Variants in PTPRD observed in about 807,000 individuals in gnomAD.
PTPRD encodes the protein protein tyrosine phosphatase receptor type D.
Under a neutral mutation model 214.5 loss-of-function variants are expected in PTPRD, and 34 were observed. That is an observed-to-expected ratio of 0.16 (90% CI 0.12 to 0.21). The LOEUF (loss-of-function observed/expected upper bound fraction) is 0.21. Ranked by LOEUF, PTPRD falls within the 10% of genes least tolerant of loss-of-function variation. PTPRD has a pLI of 1.00. For missense variants in PTPRD, 2,545 were observed against 2,398.7 expected (o/e 1.06, Z -1.27); for synonymous variants, 1,128 against 845.7 (o/e 1.33, Z -5.79).
chr9:9,606,267 G>A (rs895106853), intron 7 of PTPRD, among the ~76,000 whole-genome samples: 1 of 152,014 alleles, frequency 6.6e-6, no homozygotes, highest in Non-Finnish European at 1.5e-5. Flanking sequence ...ATTAACAACA[G>A]ACCCTGGAGC....
chr9:8,320,634 C>G (rs1444197659), intron 44 of PTPRD, among the ~76,000 whole-genome samples: 1 of 138,136 alleles, frequency 7.2e-6, no homozygotes, highest in Non-Finnish European at 1.6e-5. Flanking sequence ...TCAACAGATT[C>G]TCACAGGGGT....
At chr9:8,805,339 T>C (rs1250084737) in intron 11 of PTPRD, among the ~76,000 whole-genome samples, 1 of 152,108 alleles carries the variant, frequency 6.6e-6, no homozygotes, top group African/African-American at 2.4e-5. Context: ...GACCAGGTGG[T>C]CTCTCTCTAA....
chr9:9,937,252 TAA>T (rs1162371111), intron 5 of PTPRD, among the ~76,000 whole-genome samples: 5 of 151,310 alleles, frequency 3.3e-5, no homozygotes, highest in Non-Finnish European at 7.4e-5. Context: ...AAATAAAAAA[TAA>T]AAAATAAATT....
intron 5 of PTPRD, among the ~76,000 whole-genome samples, chr9:9,835,964 A>G (rs1358107323): frequency 6.6e-6 from 1 of 152,190 alleles, no homozygotes; most frequent in Non-Finnish European, 1.5e-5. Context: ...TTACTCTTAT[A>G]GAATTACACT....
chr9:10,504,854 T>C (rs1312773388), intron 2 of PTPRD, among the ~76,000 whole-genome samples: 2 of 152,166 alleles, frequency 1.3e-5, no homozygotes, highest in African/African-American at 2.4e-5. Flanking sequence ...AAATTATCTC[T>C]TACTATTATA....
At chr9:10,455,887 G>C (rs1186577880) in intron 2 of PTPRD, among the ~76,000 whole-genome samples, 1 of 151,634 alleles carries the variant, frequency 6.6e-6, no homozygotes, top group Non-Finnish European at 1.5e-5. Context: ...TGCTTTGACT[G>C]CTAGGAAATC....
intron 10 of PTPRD, among the ~76,000 whole-genome samples, chr9:9,154,302 A>G (rs185097287): frequency 1.8e-4 from 27 of 152,312 alleles, no homozygotes; most frequent in Admixed American, 1.2e-3. Flanking sequence ...ATAACAAAAT[A>G]CCACGGAGTT....
At chr9:8,514,780 G>A (rs916056088) in intron 21 of PTPRD, among the ~76,000 whole-genome samples, 1 of 152,128 alleles carries the variant, frequency 6.6e-6, no homozygotes, top group African/African-American at 2.4e-5. Context: ...ATTAGGCTCT[G>A]CGTCCCCACC....
At chr9:10,241,490 G>C (rs2091041139) in intron 3 of PTPRD, among the ~76,000 whole-genome samples, 1 of 151,900 alleles carries the variant, frequency 6.6e-6, no homozygotes. Context: ...TTATAGTATA[G>C]CCATGCAATG....
At chr9:8,556,834 C>A (rs1449821414) in intron 14 of PTPRD, among the ~76,000 whole-genome samples, 1 of 152,068 alleles carries the variant, frequency 6.6e-6, no homozygotes, top group African/African-American at 2.4e-5. Flanking sequence ...GCATAGGTGA[C>A]AGAATCGAAC....
At chr9:9,990,419 C>A (rs1255984480) in intron 4 of PTPRD, among the ~76,000 whole-genome samples, 1 of 152,212 alleles carries the variant, frequency 6.6e-6, no homozygotes, top group Non-Finnish European at 1.5e-5. Flanking sequence ...TTCACCCCAA[C>A]AGCTGCAAGT....
chr9:10,260,914 T>C (rs1046185833), intron 3 of PTPRD, among the ~76,000 whole-genome samples: 1 of 151,460 alleles, frequency 6.6e-6, no homozygotes, highest in Non-Finnish European at 1.5e-5. Context: ...CTAATTCTTG[T>C]ATAGTCAAGG....
At chr9:9,793,072 T>C (rs1020341104) in intron 5 of PTPRD, among the ~76,000 whole-genome samples, 5 of 152,120 alleles carry the variant, frequency 3.3e-5, no homozygotes, top group African/African-American at 1.2e-4. Context: ...TGTGAATGGA[T>C]ATGGATGTGA....
intron 3 of PTPRD, among the ~76,000 whole-genome samples, chr9:10,133,212 G>C (rs563334426): frequency 5.9e-5 from 9 of 152,120 alleles, no homozygotes; most frequent in Non-Finnish European, 1.3e-4. Context: ...CGGTGCTGAA[G>C]TATATGTCCA....
chr9:8,628,816 T>G (rs2096142166), intron 14 of PTPRD, among the ~76,000 whole-genome samples: 1 of 151,822 alleles, frequency 6.6e-6, no homozygotes. Flanking sequence ...TAAGTATCAC[T>G]TGATGAAATA....
intron 2 of PTPRD, among the ~76,000 whole-genome samples, chr9:10,366,027 G>A (rs1039015021): frequency 2.0e-5 from 3 of 152,134 alleles, no homozygotes; most frequent in African/African-American, 7.2e-5. Context: ...GAAAGGAAAA[G>A]CCATTCATGT....
At chr9:8,681,479 T>G (rs2097548398) in intron 12 of PTPRD, among the ~76,000 whole-genome samples, 1 of 152,176 alleles carries the variant, frequency 6.6e-6, no homozygotes, top group Non-Finnish European at 1.5e-5. Context: ...ATTCTGTTAT[T>G]CCCAGCCTTC....
chr9:9,678,245 G>T (rs1446335274), intron 7 of PTPRD, among the ~76,000 whole-genome samples: 1 of 152,048 alleles, frequency 6.6e-6, no homozygotes, highest in African/African-American at 2.4e-5. Context: ...AACCAAAAAA[G>T]AGTCCACATT....
At chr9:10,060,800 C>A (rs1408732348) in intron 3 of PTPRD, among the ~76,000 whole-genome samples, 1 of 124,186 alleles carries the variant, frequency 8.1e-6, no homozygotes, top group Non-Finnish European at 1.5e-5. Flanking sequence ...TTCTTTCTTT[C>A]TTCCTTTCTT....
Sources: gnomAD v4.1 joint callset for allele counts (sites outside exome capture counted in the v4.1 genomes callset) on GRCh38, gnomAD v4.1.1 for gene constraint, MANE v1.5 for transcripts, NCBI Gene and HGNC (gene_info 2026-07-23, HGNC 2026-07-21) for gene names.